NUBP1: variants seen among roughly 807,000 people sequenced by gnomAD.
NUBP1 encodes the protein cytosolic Fe-S cluster assembly factor NUBP1.
A neutral mutation model predicts 41.8 loss-of-function variants in NUBP1; 46 were observed. The ratio of observed to expected loss-of-function variants is 1.10; its 90% CI spans 0.87 to 1.41. The LOEUF (loss-of-function observed/expected upper bound fraction) is 1.41, where lower values mean the gene tolerates loss of function less well. Among genes scored for constraint, NUBP1 ranks in the 40% most tolerant of loss-of-function variants. The probability of loss-of-function intolerance (pLI) is 0.00; values close to 1 mark genes in which losing one functional copy is unlikely to be tolerated. For synonymous variants in NUBP1, 189 were observed against 154.6 expected (o/e 1.22, Z -1.65); for missense variants, 494 against 414.0 (o/e 1.19, Z -1.68).
chr16:10,756,889 A>G (rs2142721221), intron 6 of NUBP1, 109 bp downstream of exon 6: 4 of 813,062 alleles, frequency 4.9e-6, no homozygotes, highest in Non-Finnish European at 7.6e-6. Context: ...ACTTCACAGT[A>G]TATTATTTTT....
chr16:10,747,633 A>C (rs180860971), intron 3 of NUBP1, among the ~76,000 whole-genome samples: 3 of 152,312 alleles, frequency 2.0e-5, no homozygotes, highest in African/African-American at 7.2e-5. Flanking sequence ...AGACTGTCCA[A>C]GAAGAAAAAA....
chr16:10,765,679 C>G lies in NUBP1; in HGVS notation c.821-2270C>G, dbSNP rs1181042823. Among the ~76,000 whole-genome samples, 1 of 152,226 alleles carries G rather than the reference C, an allele frequency of 6.6e-6. No individual in the cohort carries two copies. Among genetic ancestry groups the G allele is most frequent in the Non-Finnish European group, 1.5e-5 (1 of 68,054 alleles). On this transcript the variant is annotated intron_variant, in intron 9 of 10. Coordinates refer to ENST00000283027, the MANE Select transcript of NUBP1 (RefSeq NM_002484.4). The surrounding 1 kb of genome is among the most constrained non-coding windows in gnomAD (Gnocchi z 4.0). The stretch of plus-strand genomic sequence containing the variant: ...CAGCAACCTCCATCTTCCCACCTCC[C>G]TCACACCAAGCCCTGGCATTGGCCC...
intron 7 of NUBP1, chr16:10,761,007 C>A (rs1900922138): frequency 5.1e-6 from 1 of 197,276 alleles, no homozygotes; most frequent in South Asian, 9.5e-5. Context: ...GCAAAGCAGG[C>A]ACATGTTACA....
At chr16:10,744,648 C>G (rs913384597) in intron 2 of NUBP1, among the ~76,000 whole-genome samples, 1 of 152,150 alleles carries the variant, frequency 6.6e-6, no homozygotes, top group Non-Finnish European at 1.5e-5. Flanking sequence ...ACTAAACCAC[C>G]GCAGCTTTAA....
intron 2 of NUBP1, among the ~76,000 whole-genome samples, chr16:10,746,664 C>G (rs375161662): frequency 6.6e-6 from 1 of 152,110 alleles, no homozygotes; most frequent in Non-Finnish European, 1.5e-5. Context: ...TCGCTTGAAC[C>G]CAGGAGGCAG....
chr16:10,743,986 G>T lies in NUBP1; in HGVS notation c.45G>T (p.Gln15His). The T allele has an allele frequency of 6.3e-7, 1 of 1,581,262 alleles. No homozygotes were observed. Among genetic ancestry groups the T allele is most frequent in the Non-Finnish European group, 8.6e-7 (1 of 1,169,522 alleles). The change falls in exon 2 of 11, where the codon CAG becomes CAT. Residue 15 changes from glutamine (Q) to histidine (H), a missense_variant. Gln to His is a conservative substitution (Grantham distance 24). Coordinates refer to ENST00000283027, the MANE Select transcript of NUBP1 (RefSeq NM_002484.4). ...PHDCPGADSA[Q>H]AGRGASCQGC... ...ACTGTCCAGGGGCCGACAGCGCCCA[G>T]GCGGGCAGAGGGGCTTCATGTCAGG...
intron 9 of NUBP1, among the ~76,000 whole-genome samples, chr16:10,764,580 TGTCA>T (rs1462871871): frequency 6.6e-6 from 1 of 151,584 alleles, no homozygotes; most frequent in African/African-American, 2.4e-5. Context: ...TGCTGGAGTA[TGTCA>T]GTCTATTGGA....
chr16:10,762,903 A>G (rs1402379352), intron 9 of NUBP1, among the ~76,000 whole-genome samples: 1 of 151,716 alleles, frequency 6.6e-6, no homozygotes, highest in Non-Finnish European at 1.5e-5. Flanking sequence ...GCATGGGGAG[A>G]ATGGGAGCCT....
intron 2 of NUBP1, among the ~76,000 whole-genome samples, chr16:10,746,719 G>A (rs536150178): frequency 6.6e-6 from 1 of 152,050 alleles, no homozygotes; most frequent in Non-Finnish European, 1.5e-5. Flanking sequence ...CATCCTGGGC[G>A]ACAGAGCAAC....
intron 3 of NUBP1, among the ~76,000 whole-genome samples, chr16:10,751,826 C>T (rs1900333457): frequency 6.6e-6 from 1 of 152,200 alleles, no homozygotes; most frequent in Non-Finnish European, 1.5e-5. Flanking sequence ...GGTCAGGGTT[C>T]AGCTAGAGGC....
intron 2 of NUBP1, among the ~76,000 whole-genome samples, chr16:10,744,537 C>G (rs1246279814): frequency 3.9e-5 from 6 of 152,046 alleles, no homozygotes. Context: ...TTGATCGCCT[C>G]GTAGGTTTGG....
In NUBP1 at chr16:10,757,907, G is replaced by C; in HGVS notation, c.486G>C (p.Trp162Cys). ...AGCAGTTCCTCCGAGATGTGGACTGGGGAGAGGTCGACTACCTCATTGTGG... is the reference window on the plus strand; with the variant it reads ...AGCAGTTCCTCCGAGATGTGGACTGCGGAGAGGTCGACTACCTCATTGTGG... The part of the protein sequence containing the change: ...MIKQFLRDVD[W>C]GEVDYLIVDT... The change falls in exon 7 of 11, where the codon TGG (tryptophan) becomes TGC (cysteine). Residue 162 changes from tryptophan to cysteine, a missense_variant. Coordinates refer to ENST00000283027, the MANE Select transcript of NUBP1 (RefSeq NM_002484.4). The surrounding 1 kb of genome is among the most constrained non-coding windows in gnomAD (Gnocchi z 4.1). 1 of 1,614,098 alleles carries C rather than the reference G, an allele frequency of 6.2e-7. No individual in the cohort carries two copies. The highest frequency in any genetic ancestry group is 8.5e-7 in the Non-Finnish European group (1 of 1,180,022).
chr16:10,761,832 G>A lies in NUBP1; in HGVS notation c.793G>A (p.Gly265Ser), dbSNP rs557472106. The stretch of plus-strand genomic sequence containing the variant: ...CCAGGACTTGGAGGTCCCTCTCCTC[G>A]GCAGAGTGCCCCTGGATCCGCTCAT... ...MCQDLEVPLL[G>S]RVPLDPLIGK... Residue 265 changes from glycine to serine, a missense_variant, in exon 9 of 11, where the codon GGC (glycine) becomes AGC (serine). Physicochemically the swap from Gly to Ser is moderately conservative, Grantham distance 56. Coordinates refer to ENST00000283027, the MANE Select transcript of NUBP1 (RefSeq NM_002484.4). 2.4e-5 allele frequency: 39 copies of A among 1,614,074 alleles called. No individual in the cohort carries two copies. Among genetic ancestry groups the A allele is most frequent in the South Asian group, 4.4e-5 (4 of 91,068 alleles).
Position 10,767,834 on chromosome 16 carries a change from G to C in NUBP1, c.821-115G>C. ...TTTTCTACTTTGTTCTTCATTACGA[G>C]TGAAGCGGGCTCAAGATCTTCCCAT... On this transcript the variant is annotated intron_variant, in intron 9 of 10. Coordinates refer to ENST00000283027, the MANE Select transcript of NUBP1 (RefSeq NM_002484.4). This position sits in a 1 kb window ranked among gnomAD's most constrained non-coding sequence, Gnocchi z 4.6. The C allele has an allele frequency of 1.1e-6, 1 of 950,202 alleles. No homozygotes were observed. The highest frequency in any genetic ancestry group is 1.7e-6 in the Non-Finnish European group (1 of 598,766). The allele number at this position is 950,202 out of a possible 1,614,324, so 58.9% of individuals were successfully genotyped here. A position where few individuals can be genotyped will look rare whatever the true frequency, so the allele number is the denominator to read the frequency against.
Position 10,759,584 on chromosome 16 carries a change from G to A in NUBP1, c.606+1557G>A, listed in dbSNP as rs187897447. 6.6e-6 allele frequency among the ~76,000 whole-genome samples: 1 copy of A among 152,254 alleles called. No homozygotes were observed. The highest frequency in any genetic ancestry group is 1.9e-4 in the East Asian group (1 of 5,174). ...AGGTCAGGAGTTCGAGACCAGACTG[G>A]CCAATATGGCAAAACCCTGTCTCTA... On this transcript the variant is annotated intron_variant, in intron 7 of 10. Transcript: ENST00000283027. This position sits in a 1 kb window ranked among gnomAD's most constrained non-coding sequence, Gnocchi z 4.7.
rs1467036840 is a variant in NUBP1, at chr16:10,757,848, A to T, written c.452-25A>T. ...TACAGAAAAGAAAGGAAAAGTAAGC[A>T]TCCCCTGTGGATTCCTCTTTCTAGG... On this transcript the variant is annotated intron_variant, in intron 6 of 10. Coordinates refer to ENST00000283027, the MANE Select transcript of NUBP1 (RefSeq NM_002484.4). This position sits in a 1 kb window ranked among gnomAD's most constrained non-coding sequence, Gnocchi z 4.1. 6.2e-7 allele frequency: 1 copy of T among 1,602,372 alleles called. No individual in the cohort carries two copies.
At chr16:10,747,640 A>G (rs1900121902) in intron 3 of NUBP1, among the ~76,000 whole-genome samples, 1 of 152,220 alleles carries the variant, frequency 6.6e-6, no homozygotes, top group Admixed American at 6.5e-5. Flanking sequence ...CCAAGAAGAA[A>G]AAAAAATGAT....
Position 10,744,060 on chromosome 16 carries a change from A to C in NUBP1, c.119A>C (p.Asp40Ala). Residue 40 changes from aspartate to alanine, a missense_variant, in exon 2 of 11, where the codon GAC (aspartate) becomes GCC (alanine). Asp to Ala is a moderately radical substitution (Grantham distance 126). Transcript: ENST00000283027. Reference protein sequence around the residue: ...LCASGAGATPDTAIEEIKEKM... With the variant: ...LCASGAGATPATAIEEIKEKM... ...GCTTCTGGAGCGGGGGCCACTCCGGACACGGGTGAGAAAAGGGCAAGGCCT... is the reference window on the plus strand; with the variant it reads ...GCTTCTGGAGCGGGGGCCACTCCGGCCACGGGTGAGAAAAGGGCAAGGCCT... The C allele has an allele frequency of 6.3e-7, 1 of 1,578,860 alleles. No individual in the cohort carries two copies. Among genetic ancestry groups the C allele is most frequent in the Non-Finnish European group, 8.6e-7 (1 of 1,167,798 alleles).
In NUBP1 at chr16:10,757,417, T is replaced by A. The variant is rs1472054806; in HGVS notation, c.452-456T>A. Among the ~76,000 whole-genome samples, 1 of 152,058 alleles carries A rather than the reference T, an allele frequency of 6.6e-6. No homozygotes were observed. Among genetic ancestry groups the A allele is most frequent in the Admixed American group, 6.6e-5 (1 of 15,260 alleles). On this transcript the variant is annotated intron_variant, in intron 6 of 10. Transcript: ENST00000283027. This position sits in a 1 kb window ranked among gnomAD's most constrained non-coding sequence, Gnocchi z 4.1. The stretch of plus-strand genomic sequence containing the variant: ...GAGACTTAAGGTAATAATGTGAAAG[T>A]GTTATCAGGGCAAGCTTTAGCCTCA...
Sources: gnomAD v4.1 joint callset for allele counts (sites outside exome capture counted in the v4.1 genomes callset) on GRCh38, gnomAD v4.1.1 for gene constraint, Gnocchi (gnomAD v3.1) non-coding constraint, MANE v1.5 for transcripts, NCBI Gene and HGNC (gene_info 2026-07-23, HGNC 2026-07-21) for gene names.